ANK2: variants seen among roughly 807,000 people sequenced by gnomAD.
The protein encoded by ANK2 is ankyrin-2.
Under a neutral mutation model 360.5 loss-of-function variants are expected in ANK2, and 83 were observed. The ratio of observed to expected loss-of-function variants is 0.23; its 90% confidence interval spans 0.19 to 0.28. ANK2 has a LOEUF of 0.28. Among genes scored for constraint, ANK2 ranks in the 10% least tolerant of loss-of-function variants. The pLI is 1.00. For missense variants in ANK2, 4,201 were observed against 4,795.7 expected (o/e 0.88, Z 3.66); for synonymous variants, 1,740 against 1,759.5 (o/e 0.99, Z 0.28).
intron 4 of ANK2, among the ~76,000 whole-genome samples, chr4:113,202,034 A>T (rs938488797): frequency 1.3e-5 from 2 of 152,226 alleles, no homozygotes; most frequent in African/African-American, 4.8e-5. Flanking sequence ...AAAACTAGTA[A>T]TCAAATTTTA....
intron 13 of ANK2, among the ~76,000 whole-genome samples, chr4:113,259,288 G>A (rs2051264461): frequency 6.6e-6 from 1 of 152,156 alleles, no homozygotes; most frequent in African/African-American, 2.4e-5. Flanking sequence ...ATTCACATGT[G>A]CACCAGAAAT....
chr4:113,237,730 T>C, intron 7 of ANK2, 108 bp downstream of exon 7: 3 of 1,060,808 alleles, frequency 2.8e-6, no homozygotes, highest in Non-Finnish European at 4.4e-6. Flanking sequence ...GTTTGATTAA[T>C]GGGAAATTAA....
intron 10 of ANK2, among the ~76,000 whole-genome samples, chr4:113,251,743 A>G (rs192809920): frequency 7.7e-4 from 117 of 152,160 alleles, no homozygotes; most frequent in African/African-American, 2.6e-3. Flanking sequence ...CGGCCTCCCA[A>G]AGTGCTGGGA....
At chr4:113,263,301 T>C (rs1390881206) in intron 13 of ANK2, among the ~76,000 whole-genome samples, 1 of 150,366 alleles carries the variant, frequency 6.7e-6, no homozygotes, top group East Asian at 1.9e-4. Context: ...AGGAAAAATC[T>C]TGTGATACAT....
chr4:112,944,252 T>C (rs757513068), intron 2 of ANK2, among the ~76,000 whole-genome samples: 29 of 152,342 alleles, frequency 1.9e-4, no homozygotes, highest in South Asian at 1.0e-3. Flanking sequence ...TACCATTCTC[T>C]TGTCTATTTG....
At chr4:113,044,604 G>C (rs1318852981) in intron 2 of ANK2, among the ~76,000 whole-genome samples, 3 of 152,138 alleles carry the variant, frequency 2.0e-5, no homozygotes, top group African/African-American at 7.2e-5. Context: ...TCAGGGCTAT[G>C]TTCCTTCTGA....
At chr4:113,291,667 G>C (rs2067657604) in intron 20 of ANK2, among the ~76,000 whole-genome samples, 1 of 152,160 alleles carries the variant, frequency 6.6e-6, no homozygotes, top group Non-Finnish European at 1.5e-5. Context: ...TCAGAACTTA[G>C]AGCCCAGGAC....
chr4:113,047,558 G>A (rs989317121), upstream of ANK2, among the ~76,000 whole-genome samples: 1 of 152,142 alleles, frequency 6.6e-6, no homozygotes, highest in African/African-American at 2.4e-5. Context: ...GAATGAGTGA[G>A]GGGTTGGGAG....
At chr4:112,876,969 T>C (rs1580304394) in intron 1 of ANK2, among the ~76,000 whole-genome samples, 2 of 152,060 alleles carry the variant, frequency 1.3e-5, no homozygotes, top group African/African-American at 4.8e-5. Context: ...CCCATAATTT[T>C]TTTCTACCCA....
intron 1 of ANK2, among the ~76,000 whole-genome samples, chr4:113,123,728 C>T (rs1485960936): frequency 6.6e-6 from 1 of 152,036 alleles, no homozygotes; most frequent in East Asian, 1.9e-4. Context: ...GACCATAATC[C>T]ATATATTTTT....
Position 113,353,885 on chromosome 4 carries a change from C to T in ANK2, c.5267C>T (p.Pro1756Leu). 4 of 1,614,078 alleles carry T rather than the reference C, an allele frequency of 2.5e-6. No homozygotes were observed. Among genetic ancestry groups the T allele is most frequent in the Non-Finnish European group, 3.4e-6 (4 of 1,179,948 alleles). The change falls in exon 38 of 46, where the codon CCT (proline) becomes CTT (leucine). Residue 1756 changes from proline (P) to leucine (L), a missense_variant. This residue lies in a region of ANK2 where 2,642 missense variants were observed against 2,714.5 expected (regional missense o/e 0.97). Coordinates refer to ENST00000357077, the MANE Select transcript of ANK2 (RefSeq NM_001148.6). ...CTTCCCACTGTCAAGGCCACATCTC[C>T]TTTGATAGAAGAAACTCCCATTGGT... ...EPLPTVKATSPLIEETPIGSI... is the reference protein window; with the variant it reads ...EPLPTVKATSLLIEETPIGSI...
chr4:112,801,318 T>C, the ANK2 span, among the ~76,000 whole-genome samples: 1 of 152,236 alleles, frequency 6.6e-6, no homozygotes, highest in Non-Finnish European at 1.5e-5. Context: ...TTCCTGAAGA[T>C]AAATGTATAC....
At chr4:113,290,568 G>C (rs1351530058) in intron 20 of ANK2, among the ~76,000 whole-genome samples, 2 of 152,056 alleles carry the variant, frequency 1.3e-5, no homozygotes, top group African/African-American at 2.4e-5. Context: ...AGAGGGTTTA[G>C]AACAGCACAT....
intron 1 of ANK2, among the ~76,000 whole-genome samples, chr4:113,149,440 A>T (rs1197510694): frequency 6.6e-6 from 1 of 152,204 alleles, no homozygotes; most frequent in African/African-American, 2.4e-5. Flanking sequence ...GTTTTATAAA[A>T]GATAAGGAAA....
At chr4:113,350,597 A>G in intron 37 of ANK2, 1 of 253,216 alleles carries the variant, frequency 3.9e-6, no homozygotes. Flanking sequence ...TTTTTTAAGC[A>G]CTGACATGAC....
At chr4:112,902,671 T>C (rs943035283) in intron 1 of ANK2, among the ~76,000 whole-genome samples, 3 of 152,232 alleles carry the variant, frequency 2.0e-5, no homozygotes, top group Non-Finnish European at 4.4e-5. Context: ...AAGTGAACTA[T>C]GGGAAGATTT....
intron 2 of ANK2, among the ~76,000 whole-genome samples, chr4:112,933,113 T>G (rs1429515019): frequency 6.6e-6 from 1 of 152,170 alleles, no homozygotes; most frequent in African/African-American, 2.4e-5. Context: ...GTCATACCAG[T>G]TCATGGTTAT....
intron 1 of ANK2, among the ~76,000 whole-genome samples, chr4:112,851,105 A>G (rs2149965490): frequency 6.6e-6 from 1 of 152,284 alleles, no homozygotes; most frequent in South Asian, 2.1e-4. Context: ...GATGAAGACC[A>G]AAATGCTGTC....
intron 32 of ANK2, among the ~76,000 whole-genome samples, chr4:113,339,640 T>C (rs1588573126): frequency 6.6e-6 from 1 of 152,378 alleles, no homozygotes; most frequent in East Asian, 1.9e-4. Context: ...TAATTTCCTG[T>C]TGTCAGCAAA....
Sources: gnomAD v4.1 joint callset for allele counts (sites outside exome capture counted in the v4.1 genomes callset) on GRCh38, gnomAD v4.1.1 for gene constraint, gnomAD v4.1.1 regional missense constraint, MANE v1.5 for transcripts, NCBI Gene and HGNC (gene_info 2026-07-23, HGNC 2026-07-21) for gene names.